Variants in DLGAP1 observed in about 807,000 individuals in gnomAD.
The protein encoded by DLGAP1 is DLG associated protein 1.
Under a neutral mutation model 90.8 loss-of-function variants are expected in DLGAP1, and 11 were observed. That is an observed-to-expected ratio of 0.12 (90% CI 0.08 to 0.20). The LOEUF (loss-of-function observed/expected upper bound fraction) is 0.20, where lower values mean the gene tolerates loss of function less well. Ranked by LOEUF, DLGAP1 falls within the 10% of genes least tolerant of loss-of-function variation. The pLI, the probability that DLGAP1 is intolerant of heterozygous loss-of-function variation, is 1.00. For missense variants in DLGAP1, 1,050 were observed against 1,333.8 expected, an observed-to-expected ratio of 0.79 and a Z score of 3.31; for synonymous variants, 558 against 540.7, an observed-to-expected ratio of 1.03 and a Z score of -0.44.
intron 3 of DLGAP1, among the ~76,000 whole-genome samples, chr18:3,918,054 T>G (rs147153162): frequency 6.6e-6 from 1 of 152,200 alleles, no homozygotes; most frequent in Non-Finnish European, 1.5e-5. Flanking sequence ...ACAAGTTTCC[T>G]TAAATCTGAC....
chr18:4,149,643 C>T (rs1055114556), intron 2 of DLGAP1, among the ~76,000 whole-genome samples: 1 of 152,214 alleles, frequency 6.6e-6, no homozygotes, highest in Non-Finnish European at 1.5e-5. Flanking sequence ...TGAGCTCTGC[C>T]TCTTGTGAGA....
chr18:3,934,633 C>T (rs2148935450), intron 3 of DLGAP1, among the ~76,000 whole-genome samples: 1 of 152,216 alleles, frequency 6.6e-6, no homozygotes, highest in Admixed American at 6.5e-5. Flanking sequence ...ACAATATTTT[C>T]AGAATTAAGA....
At chr18:3,538,375 C>CAAA (rs112805068) in intron 9 of DLGAP1, among the ~76,000 whole-genome samples, 6,277 of 102,668 alleles carry the variant, frequency 0.061, 368 homozygotes, top group African/African-American at 0.17. Flanking sequence ...TCAAATGAGC[C>CAAA]AAAAAAAAAA....
intron 7 of DLGAP1, among the ~76,000 whole-genome samples, chr18:3,633,400 TCA>T (rs2058591025): frequency 1.0e-5 from 1 of 98,382 alleles, no homozygotes; most frequent in African/African-American, 4.2e-5. Flanking sequence ...AGACTTCATC[TCA>T]AAAAAAAAAA....
intron 1 of DLGAP1, among the ~76,000 whole-genome samples, chr18:4,311,281 T>TA (rs2080391067): frequency 6.6e-6 from 1 of 152,200 alleles, no homozygotes; most frequent in African/African-American, 2.4e-5. Context: ...AAAATCTTTT[T>TA]ACCCTCTAAT....
At chr18:4,069,152 T>A (rs1337896099) in intron 2 of DLGAP1, among the ~76,000 whole-genome samples, 1 of 152,200 alleles carries the variant, frequency 6.6e-6, no homozygotes, top group East Asian at 1.9e-4. Context: ...ATTATTTTTA[T>A]CCTACTAAAG....
At chr18:3,897,066 G>C (rs939395164) in intron 3 of DLGAP1, 3 of 152,200 alleles carry the variant, frequency 2.0e-5, no homozygotes, top group Non-Finnish European at 2.9e-5. Flanking sequence ...AGTTTTCCCT[G>C]GGTCTTTGGA....
chr18:4,229,023 C>A (rs1451734704), intron 1 of DLGAP1, among the ~76,000 whole-genome samples: 1 of 151,962 alleles, frequency 6.6e-6, no homozygotes, highest in Non-Finnish European at 1.5e-5. Flanking sequence ...GCATCAGTAG[C>A]ATTTATATAT....
At position 3,792,075 on chromosome 18, in the gene DLGAP1, T is replaced by C. The variant is rs971652614; in HGVS notation, c.1172+21984A>G. Among the ~76,000 whole-genome samples, 9 of 152,316 alleles carry C rather than the reference T, an allele frequency of 5.9e-5. No individual in the cohort carries two copies. In the South Asian group the frequency reaches 1.7e-3, roughly 28 times the overall value. Reference sequence around the variant, plus strand: ...ACCCCAGGCCACATCTAACCTGGTATCATCGCACTGCAGAAGCCCTATGCC... The same window carrying C: ...ACCCCAGGCCACATCTAACCTGGTACCATCGCACTGCAGAAGCCCTATGCC... On this transcript the variant is annotated intron_variant, in intron 5 of 12. Coordinates refer to ENST00000315677, the MANE Select transcript of DLGAP1 (RefSeq NM_004746.4).
chr18:3,994,438 C>G (rs1286984090), intron 3 of DLGAP1, among the ~76,000 whole-genome samples: 1 of 152,142 alleles, frequency 6.6e-6, no homozygotes, highest in East Asian at 1.9e-4. Context: ...TATAAACAGA[C>G]CCTTCTCTAA....
intron 1 of DLGAP1, among the ~76,000 whole-genome samples, chr18:4,319,411 C>A (rs2080621187): frequency 6.6e-6 from 1 of 152,094 alleles, no homozygotes; most frequent in Admixed American, 6.6e-5. Context: ...GAGGGCTGAA[C>A]AAAGGAGTAC....
intron 7 of DLGAP1, among the ~76,000 whole-genome samples, chr18:3,676,460 ACTC>A (rs1285463353): frequency 1.3e-5 from 2 of 151,596 alleles, no homozygotes; most frequent in African/African-American, 2.4e-5. Context: ...CCGCTCCTAA[ACTC>A]CTCATGAGTG....
intron 4 of DLGAP1, among the ~76,000 whole-genome samples, chr18:3,867,718 A>T (rs756505044): frequency 3.3e-5 from 5 of 152,198 alleles, no homozygotes; most frequent in Non-Finnish European, 4.4e-5. Context: ...CCCATGATGG[A>T]AAGGCTACAG....
intron 1 of DLGAP1, among the ~76,000 whole-genome samples, chr18:4,208,271 A>G (rs2077762845): frequency 1.3e-5 from 2 of 152,248 alleles, no homozygotes; most frequent in African/African-American, 4.8e-5. Flanking sequence ...TAATTTCCAT[A>G]GAAAAAATAT....
At chr18:3,797,129 C>G (rs1233608873) in intron 5 of DLGAP1, among the ~76,000 whole-genome samples, 1 of 152,184 alleles carries the variant, frequency 6.6e-6, no homozygotes, top group East Asian at 1.9e-4. Context: ...GTCAGGAGAT[C>G]GAGACCATCC....
intron 1 of DLGAP1, among the ~76,000 whole-genome samples, chr18:4,222,524 C>G (rs771253017): frequency 2.0e-5 from 3 of 152,074 alleles, no homozygotes; most frequent in Non-Finnish European, 2.9e-5. Context: ...AGTTAGACAA[C>G]TAATTCTTCA....
intron 7 of DLGAP1, among the ~76,000 whole-genome samples, chr18:3,707,121 C>A (rs1195871975): frequency 1.3e-5 from 2 of 152,118 alleles, no homozygotes. Context: ...GTTTGCTTAT[C>A]TCTTATTTAC....
intron 7 of DLGAP1, among the ~76,000 whole-genome samples, chr18:3,697,306 C>T (rs342494): frequency 0.18 from 27,991 of 152,004 alleles, 2,973 homozygotes; most frequent in African/African-American, 0.27. Flanking sequence ...ACGTCTTTCC[C>T]GCATTCTCCT....
At chr18:3,949,822 C>T (rs371483887) in intron 3 of DLGAP1, among the ~76,000 whole-genome samples, 1 of 152,156 alleles carries the variant, frequency 6.6e-6, no homozygotes, top group Non-Finnish European at 1.5e-5. Flanking sequence ...GTAATGATTA[C>T]ACCAAATAGC....
Sources: gnomAD v4.1 joint callset for allele counts (sites outside exome capture counted in the v4.1 genomes callset) on GRCh38, gnomAD v4.1.1 for gene constraint, MANE v1.5 for transcripts, NCBI Gene and HGNC (gene_info 2026-07-23, HGNC 2026-07-21) for gene names.